Variants in PCDH11X observed in about 807,000 individuals in gnomAD.
The protein encoded by PCDH11X is protocadherin 11 X-linked, also known as protocadherin-11 X-linked.
A neutral mutation model predicts 53.3 loss-of-function variants in PCDH11X; 18 were observed. The observed-to-expected ratio is 0.34, with a 90% CI of 0.23 to 0.50. The LOEUF (loss-of-function observed/expected upper bound fraction) is 0.50. PCDH11X is among the 20% of genes least tolerant of loss of function. The pLI is 0.98. For missense variants in PCDH11X, 570 were observed against 1,032.4 expected, an observed-to-expected ratio of 0.55 and a Z score of 6.14; for synonymous variants, 279 against 393.3, an observed-to-expected ratio of 0.71 and a Z score of 3.44.
chrX:92,383,963 T>A (rs1328949744), intron 8 of PCDH11X, among the ~76,000 whole-genome samples: 1 of 111,989 alleles, frequency 8.9e-6, no homozygotes, highest in East Asian at 2.8e-4. Flanking sequence ...GTGTTCCTAT[T>A]TTTCCACATC....
At chrX:92,478,427 C>A (rs890561263) in intron 10 of PCDH11X, among the ~76,000 whole-genome samples, 1 of 110,622 alleles carries the variant, frequency 9.0e-6, no homozygotes, top group African/African-American at 3.3e-5. Flanking sequence ...TTGGTTTGAT[C>A]TTGCTTCTCT....
At chrX:92,481,400 C>T (rs1050033584) in intron 10 of PCDH11X, among the ~76,000 whole-genome samples, 2 of 111,417 alleles carry the variant, frequency 1.8e-5, no homozygotes, top group East Asian at 2.8e-4. Context: ...GGGGAAGGGC[C>T]GTGGGCCTGA....
At chrX:92,524,910 T>C (rs867715153) in intron 10 of PCDH11X, among the ~76,000 whole-genome samples, 11 of 111,536 alleles carry the variant, frequency 9.9e-5, no homozygotes, top group African/African-American at 2.9e-4. Context: ...TGAGGAACTC[T>C]ATGATTTCTA....
intron 6 of PCDH11X, chrX:91,982,923 A>G: frequency 9.5e-7 from 1 of 1,051,068 alleles, no homozygotes; most frequent in Non-Finnish European, 1.3e-6. Context: ...TTTCTGGTAA[A>G]TGAGGCCACC....
At chrX:91,964,508 C>A (rs1021479985) in intron 6 of PCDH11X, among the ~76,000 whole-genome samples, 1 of 111,804 alleles carries the variant, frequency 8.9e-6, no homozygotes, top group African/African-American at 3.3e-5. Flanking sequence ...TATTAATGAA[C>A]AATATCATTT....
intron 1 of PCDH11X, among the ~76,000 whole-genome samples, chrX:91,800,041 A>G (rs948343716): frequency 2.7e-5 from 3 of 112,597 alleles, no homozygotes; most frequent in African/African-American, 9.7e-5. Flanking sequence ...GTGAGCCGAG[A>G]CCGCGCCACT....
At chrX:91,847,697 G>T (rs1228478923) in intron 5 of PCDH11X, among the ~76,000 whole-genome samples, 1 of 111,307 alleles carries the variant, frequency 9.0e-6, no homozygotes, top group African/African-American at 3.3e-5. Context: ...GTTGGCAAAA[G>T]ACTAGCTTCT....
intron 6 of PCDH11X, among the ~76,000 whole-genome samples, chrX:92,157,924 T>C (rs1161054160): frequency 8.9e-6 from 1 of 112,089 alleles, no homozygotes; most frequent in African/African-American, 3.2e-5. Context: ...GACTATAAAA[T>C]ATCAAGAAGG....
At chrX:92,571,565 G>A (rs1445055324) in intron 10 of PCDH11X, among the ~76,000 whole-genome samples, 5 of 107,221 alleles carry the variant, frequency 4.7e-5, no homozygotes, top group Non-Finnish European at 7.7e-5. Flanking sequence ...AGCAGTCTGC[G>A]TTCTTTATTA....
chrX:91,822,336 T>C (rs1331098666), intron 4 of PCDH11X, among the ~76,000 whole-genome samples: 15 of 106,176 alleles, frequency 1.4e-4, no homozygotes, highest in African/African-American at 4.6e-4. Flanking sequence ...CTATTGATTA[T>C]TGCCACAATT....
At chrX:92,544,902 G>A (rs1188955138) in intron 10 of PCDH11X, among the ~76,000 whole-genome samples, 1 of 111,258 alleles carries the variant, frequency 9.0e-6, no homozygotes, top group Non-Finnish European at 1.9e-5. Flanking sequence ...TGGTACAGAC[G>A]ACTACAATTG....
intron 9 of PCDH11X, among the ~76,000 whole-genome samples, chrX:92,425,689 G>A (rs1303825959): frequency 4.1e-5 from 4 of 96,739 alleles, no homozygotes; most frequent in Non-Finnish European, 8.3e-5. Flanking sequence ...AAGAAGGGAT[G>A]AGATCACTTA....
At chrX:92,228,488 A>G (rs2067009677) in intron 7 of PCDH11X, among the ~76,000 whole-genome samples, 2 of 111,387 alleles carry the variant, frequency 1.8e-5, no homozygotes, top group South Asian at 3.7e-4. Context: ...GCAGTAGAAC[A>G]TACTTGGTGC....
At chrX:91,969,870 G>C (rs1432598018) in intron 6 of PCDH11X, among the ~76,000 whole-genome samples, 1 of 110,131 alleles carries the variant, frequency 9.1e-6, no homozygotes, top group Non-Finnish European at 1.9e-5. Context: ...TGGCTTGGTG[G>C]AGAGTGCGGC....
At chrX:92,357,935 T>C (rs764416308) in intron 8 of PCDH11X, among the ~76,000 whole-genome samples, 9 of 111,283 alleles carry the variant, frequency 8.1e-5, no homozygotes, top group Non-Finnish European at 1.1e-4. Flanking sequence ...AGGCAATGAA[T>C]GTAGGAATAA....
In PCDH11X at chrX:92,012,496, C is replaced by T. The variant is rs557827986; in HGVS notation, c.3033+133223C>T. On this transcript the variant is annotated intron_variant, in intron 6 of 10. Transcript: ENST00000682573. ...TTGTACAAAATGTTTATAAATAATT[C>T]GAAAGAGGACTTTAAAAGTACTTTT... 3.1e-4 allele frequency among the ~76,000 whole-genome samples: 34 copies of T among 111,331 alleles called. 1 individual carries two copies. In the South Asian group the frequency reaches 0.011, roughly 35 times the overall value.
At chrX:91,959,482 T>C (rs1191954635) in intron 6 of PCDH11X, among the ~76,000 whole-genome samples, 1 of 110,213 alleles carries the variant, frequency 9.1e-6, no homozygotes, top group Non-Finnish European at 1.9e-5. Flanking sequence ...ACCATCCTAT[T>C]CTGTTTCTCT....
chrX:91,948,248 A>G (rs753317359), intron 6 of PCDH11X, among the ~76,000 whole-genome samples: 109 of 110,605 alleles, frequency 9.9e-4, no homozygotes, highest in Non-Finnish European at 1.7e-3. Flanking sequence ...AAGAAATGCT[A>G]TTTAAAATTG....
chrX:92,349,848 C>G lies in PCDH11X; in HGVS notation c.3145-37887C>G, dbSNP rs748696344. Among the ~76,000 whole-genome samples the G allele has an allele frequency of 2.0e-4, 22 of 108,854 alleles. No homozygotes were observed. In the East Asian group the frequency reaches 5.0e-3, roughly 25 times the overall value. 94.5% of individuals were successfully genotyped at this position (108,854 alleles called of 115,157 possible). ...TCCAATGTAGGCTAATGTAAGTGTT[C>G]TGAGGACGGTAAGGTAGGCTGGGCT... On this transcript the variant is annotated intron_variant, in intron 8 of 10. Transcript: ENST00000682573.
Sources: gnomAD v4.1 joint callset for allele counts (sites outside exome capture counted in the v4.1 genomes callset) on GRCh38, gnomAD v4.1.1 for gene constraint, MANE v1.5 for transcripts, NCBI Gene and HGNC (gene_info 2026-07-23, HGNC 2026-07-21) for gene names.